FTO: variants seen among roughly 807,000 people sequenced by gnomAD.
The protein encoded by FTO is FTO alpha-ketoglutarate dependent dioxygenase, also known as alpha-ketoglutarate-dependent dioxygenase FTO.
In FTO, 47 loss-of-function variants were observed where a neutral mutation model predicts 63.9. That is an observed-to-expected ratio of 0.74 (90% confidence interval 0.58 to 0.94). The LOEUF (loss-of-function observed/expected upper bound fraction) is 0.94, where lower values mean the gene tolerates loss of function less well. Among genes scored for constraint, FTO ranks in the 40% least tolerant of loss-of-function variants. The probability of loss-of-function intolerance (pLI) is 0.00; values close to 1 mark genes in which losing one functional copy is unlikely to be tolerated. For missense variants in FTO, 562 were observed against 618.1 expected, an observed-to-expected ratio of 0.91 and a Z score of 0.96; for synonymous variants, 207 against 224.4, an observed-to-expected ratio of 0.92 and a Z score of 0.69.
intron 1 of FTO, among the ~76,000 whole-genome samples, chr16:53,801,203 T>A (rs1426997127): frequency 6.6e-6 from 1 of 152,080 alleles, no homozygotes; most frequent in Non-Finnish European, 1.5e-5. Flanking sequence ...TAATTCCATT[T>A]TATCTCTTTT....
intron 8 of FTO, among the ~76,000 whole-genome samples, chr16:54,011,673 T>A (rs181966083): frequency 6.6e-6 from 1 of 152,308 alleles, no homozygotes; most frequent in Non-Finnish European, 1.5e-5. Flanking sequence ...ATTCTTGCAA[T>A]CTTTCAAAAG....
At chr16:53,966,143 C>T (rs1267142950) in intron 8 of FTO, among the ~76,000 whole-genome samples, 1 of 152,226 alleles carries the variant, frequency 6.6e-6, no homozygotes, top group African/African-American at 2.4e-5. Flanking sequence ...GCTGGGATTA[C>T]AGGTGTGAGC....
chr16:54,051,207 A>G (rs1306347682), intron 8 of FTO, among the ~76,000 whole-genome samples: 1 of 152,220 alleles, frequency 6.6e-6, no homozygotes, highest in Non-Finnish European at 1.5e-5. Context: ...TGCTAACATG[A>G]TGAAGGCCAG....
At chr16:53,907,748 C>T (rs559208026) in intron 7 of FTO, among the ~76,000 whole-genome samples, 19 of 152,264 alleles carry the variant, frequency 1.2e-4, no homozygotes, top group Admixed American at 7.2e-4. Flanking sequence ...AGGGCCTTTG[C>T]ACACGTCATT....
chr16:53,921,917 C>A (rs1202878240), intron 7 of FTO, among the ~76,000 whole-genome samples: 1 of 152,052 alleles, frequency 6.6e-6, no homozygotes, highest in East Asian at 1.9e-4. Flanking sequence ...TCTACCAACA[C>A]TACTATTGAG....
chr16:53,727,334 C>T (rs895090736), intron 1 of FTO, among the ~76,000 whole-genome samples: 4 of 152,182 alleles, frequency 2.6e-5, no homozygotes, highest in African/African-American at 7.2e-5. Flanking sequence ...CAGGATAAAA[C>T]GTTTACTTTG....
At chr16:53,864,862 A>T (rs917796399) in intron 4 of FTO, among the ~76,000 whole-genome samples, 2 of 152,186 alleles carry the variant, frequency 1.3e-5, no homozygotes, top group African/African-American at 4.8e-5. Context: ...GAAAATTACA[A>T]GTTTCTTTTT....
At chr16:53,717,477 G>T (rs540346058) in intron 1 of FTO, among the ~76,000 whole-genome samples, 3 of 151,956 alleles carry the variant, frequency 2.0e-5, no homozygotes, top group Middle Eastern at 3.4e-3. Context: ...TAACGTGTTC[G>T]TCTTTTCTTA....
intron 8 of FTO, among the ~76,000 whole-genome samples, chr16:53,959,341 A>G (rs55750853): frequency 6.6e-6 from 1 of 152,140 alleles, no homozygotes. Flanking sequence ...GGGCTTGAAT[A>G]GTTGCAGTCC....
chr16:53,865,978 C>G (rs897481679), intron 4 of FTO, among the ~76,000 whole-genome samples: 3 of 152,130 alleles, frequency 2.0e-5, no homozygotes, highest in Non-Finnish European at 4.4e-5. Flanking sequence ...CTTTTTCTTA[C>G]TCTGAGCAGA....
chr16:53,749,329 C>T (rs1001964965), intron 1 of FTO, among the ~76,000 whole-genome samples: 3 of 151,966 alleles, frequency 2.0e-5, no homozygotes, highest in Non-Finnish European at 2.9e-5. Flanking sequence ...TGCCTGATTG[C>T]TCTGGCAATA....
chr16:54,080,823 G>A (rs2086122801), intron 8 of FTO, among the ~76,000 whole-genome samples: 1 of 152,204 alleles, frequency 6.6e-6, no homozygotes, highest in Non-Finnish European at 1.5e-5. Context: ...ATTTGCGTCA[G>A]TATTCTGCTC....
intron 7 of FTO, among the ~76,000 whole-genome samples, chr16:53,905,525 A>C (rs2081513770): frequency 1.3e-5 from 2 of 152,188 alleles, no homozygotes; most frequent in African/African-American, 4.8e-5. Flanking sequence ...CTTAACTTTC[A>C]CCTGAGTTCC....
At chr16:53,894,319 T>C (rs1598929187) in intron 7 of FTO, among the ~76,000 whole-genome samples, 1 of 152,202 alleles carries the variant, frequency 6.6e-6, no homozygotes, top group Non-Finnish European at 1.5e-5. Context: ...TTACACTTCA[T>C]GTAGTTTACA....
At position 53,751,180 on chromosome 16, in the gene FTO, G is replaced by A. The variant is rs570927638; in HGVS notation, c.45+46951G>A. ...TCCCAGCACTTTGGGAGGCCAAGGC[G>A]AGAGATCACTTGAGCTCAGGAGTTC... On this transcript the variant is annotated intron_variant, in intron 1 of 8. Transcript: ENST00000471389. Among the ~76,000 whole-genome samples the A allele has an allele frequency of 3.1e-3, 414 of 132,594 alleles. 2 individuals carry two copies. Among genetic ancestry groups the A allele is most frequent in the African/African-American group, 0.013 (368 of 29,304 alleles). The allele number at this position is 132,594 out of a possible 152,430, so 87.0% of individuals were successfully genotyped here. A position where few individuals can be genotyped will look rare whatever the true frequency, so the allele number is the denominator to read the frequency against.
intron 7 of FTO, among the ~76,000 whole-genome samples, chr16:53,891,083 C>T (rs558387311): frequency 1.3e-5 from 2 of 151,876 alleles, no homozygotes; most frequent in Non-Finnish European, 2.9e-5. Flanking sequence ...CTCCGCCTCC[C>T]GAGTTCAAGT....
intron 3 of FTO, among the ~76,000 whole-genome samples, chr16:53,842,824 C>T (rs1226494383): frequency 6.6e-6 from 1 of 152,092 alleles, no homozygotes; most frequent in Non-Finnish European, 1.5e-5. Context: ...CAGGCACGTG[C>T]CACCATGCCC....
chr16:54,006,661 T>TA (rs1408914538), intron 8 of FTO, among the ~76,000 whole-genome samples: 1 of 152,212 alleles, frequency 6.6e-6, no homozygotes, highest in Non-Finnish European at 1.5e-5. Flanking sequence ...ACAAAACTCT[T>TA]ATGCCACTAG....
chr16:54,033,766 A>G (rs148359609), intron 8 of FTO, among the ~76,000 whole-genome samples: 250 of 152,288 alleles, frequency 1.6e-3, no homozygotes, highest in African/African-American at 5.9e-3. Context: ...GCAGGGAACT[A>G]TGATCATGCC....
Sources: gnomAD v4.1 joint callset for allele counts (sites outside exome capture counted in the v4.1 genomes callset) on GRCh38, gnomAD v4.1.1 for gene constraint, MANE v1.5 for transcripts, NCBI Gene and HGNC (gene_info 2026-07-23, HGNC 2026-07-21) for gene names.